EEF1AKMT1: variants seen among roughly 807,000 people sequenced by gnomAD.
The protein encoded by EEF1AKMT1 is N-6 adenine-specific DNA methyltransferase 2 (putative).
Under a neutral mutation model 21.0 loss-of-function variants are expected in EEF1AKMT1, and 18 were observed. The ratio of observed to expected loss-of-function variants is 0.86; its 90% CI spans 0.59 to 1.27. EEF1AKMT1 has a LOEUF of 1.27. Ranked by LOEUF, EEF1AKMT1 falls within the 50% of genes most tolerant of loss-of-function variation. The pLI, the probability that EEF1AKMT1 is intolerant of heterozygous loss-of-function variation, is 0.00. For synonymous variants in EEF1AKMT1, 109 were observed against 94.8 expected, an observed-to-expected ratio of 1.15 and a Z score of -0.87; for missense variants, 246 against 258.6, an observed-to-expected ratio of 0.95 and a Z score of 0.33.
chr13:20,758,741 T>C (rs184482966), intron 1 of EEF1AKMT1, among the ~76,000 whole-genome samples: 247 of 152,164 alleles, frequency 1.6e-3, no homozygotes, highest in Non-Finnish European at 2.6e-3. Flanking sequence ...AGAACAAAGC[T>C]AGAAGCATCC....
At chr13:20,740,734 C>T (rs958067721) in intron 2 of EEF1AKMT1, among the ~76,000 whole-genome samples, 14 of 152,226 alleles carry the variant, frequency 9.2e-5, no homozygotes, top group African/African-American at 2.6e-4. Context: ...ACCTGGGAGG[C>T]GGAGGTTGCA....
At chr13:20,767,766 TTATACA>T (rs1168020691) in intron 1 of EEF1AKMT1, among the ~76,000 whole-genome samples, 7 of 152,318 alleles carry the variant, frequency 4.6e-5, no homozygotes, top group Middle Eastern at 3.4e-3. Context: ...GGGACTCCAA[TTATACA>T]TATATTTAGT....
chr13:20,731,763 T>C, intron 4 of EEF1AKMT1, 78 bp downstream of exon 4: 2 of 1,447,378 alleles, frequency 1.4e-6, no homozygotes, highest in Non-Finnish European at 1.9e-6. Context: ...AGTGGTGGAC[T>C]CAGGATTTTT....
At chr13:20,768,803 C>T (rs1423259357) in intron 1 of EEF1AKMT1, 2 of 152,394 alleles carry the variant, frequency 1.3e-5, no homozygotes, top group African/African-American at 2.4e-5. Context: ...AGCCCCCTGA[C>T]AAGCAGCTAT....
In EEF1AKMT1 at chr13:20,736,033, G is replaced by GA. The variant is rs552972087; in HGVS notation, c.227+1689dup. On this transcript the variant is annotated intron_variant, in intron 3 of 4. Transcript: ENST00000382758. ...AATAGAAGTTCCAAAAATAGGAACA[G>GA]AAAAAAAAAGTGGGGAAAGAAATAA... Among the ~76,000 whole-genome samples, 107 of 151,206 alleles carry GA rather than the reference G, an allele frequency of 7.1e-4. 1 individual carries two copies. Among genetic ancestry groups the GA allele is most frequent in the African/African-American group, 2.3e-3 (96 of 41,308 alleles).
intron 1 of EEF1AKMT1, among the ~76,000 whole-genome samples, chr13:20,771,124 G>C (rs992269160): frequency 3.3e-5 from 5 of 152,076 alleles, no homozygotes; most frequent in African/African-American, 1.2e-4. Flanking sequence ...TACCCACCTT[G>C]TTCTCCCAAA....
At chr13:20,759,424 C>A (rs61955739) in intron 1 of EEF1AKMT1, among the ~76,000 whole-genome samples, 260 of 151,744 alleles carry the variant, frequency 1.7e-3, no homozygotes, top group Non-Finnish European at 2.9e-3. Flanking sequence ...CTAAAAAATA[C>A]AAACAATTCG....
chr13:20,741,460 T>C (rs1280089366), intron 2 of EEF1AKMT1, among the ~76,000 whole-genome samples: 1 of 146,288 alleles, frequency 6.8e-6, no homozygotes, highest in Admixed American at 6.8e-5. Context: ...TAATTACTTT[T>C]TTTTTTTTTT....
chr13:20,772,958 T>C (rs749953980), intron 1 of EEF1AKMT1, among the ~76,000 whole-genome samples: 3 of 152,184 alleles, frequency 2.0e-5, no homozygotes, highest in Non-Finnish European at 4.4e-5. Context: ...CAGACTCCAG[T>C]AAACCGCAGG....
intron 4 of EEF1AKMT1, among the ~76,000 whole-genome samples, chr13:20,729,799 A>C (rs545930975): frequency 6.6e-6 from 1 of 152,158 alleles, no homozygotes; most frequent in Admixed American, 6.5e-5. Flanking sequence ...TTCATCTTCA[A>C]AGTATCTCTT....
intron 1 of EEF1AKMT1, among the ~76,000 whole-genome samples, chr13:20,758,834 T>C (rs1377358821): frequency 1.3e-5 from 2 of 152,056 alleles, no homozygotes; most frequent in African/African-American, 4.8e-5. Flanking sequence ...ACATAATCAA[T>C]GGAATACAAT....
chr13:20,768,380 A>G (rs2059047259), intron 1 of EEF1AKMT1, among the ~76,000 whole-genome samples: 1 of 152,202 alleles, frequency 6.6e-6, no homozygotes, highest in African/African-American at 2.4e-5. Flanking sequence ...GAAGTACTCT[A>G]TCCAATGCCC....
intron 1 of EEF1AKMT1, among the ~76,000 whole-genome samples, chr13:20,766,766 G>A (rs7996954): frequency 0.023 from 3,556 of 151,914 alleles, 105 homozygotes; most frequent in Middle Eastern, 0.069. Context: ...AGGTTGCAGC[G>A]AGCCAAGATC....
At chr13:20,751,469 G>T (rs1283432374) in intron 2 of EEF1AKMT1, among the ~76,000 whole-genome samples, 1 of 152,132 alleles carries the variant, frequency 6.6e-6, no homozygotes, top group Admixed American at 6.5e-5. Context: ...GTTGGCTATA[G>T]ATATGTGGAT....
chr13:20,740,220 C>T (rs1038357865), intron 2 of EEF1AKMT1, among the ~76,000 whole-genome samples: 11 of 152,230 alleles, frequency 7.2e-5, no homozygotes, highest in Non-Finnish European at 1.2e-4. Flanking sequence ...CCGGCTGCTC[C>T]GAGTGCGGGG....
chr13:20,747,566 A>G (rs2058913544), intron 2 of EEF1AKMT1: 1 of 145,462 alleles, frequency 6.9e-6, no homozygotes. Flanking sequence ...CCCGGGTTCA[A>G]GAGATTCTTC....
At chr13:20,757,640 T>A (rs3924006) in intron 1 of EEF1AKMT1, 23 bp from the exon 2 acceptor site, 347,166 of 1,584,574 alleles carry the variant, frequency 0.22, 52,177 homozygotes, top group East Asian at 0.73. Flanking sequence ...AAATAAATGT[T>A]CTGTGCAGAT....
intron 2 of EEF1AKMT1, chr13:20,747,115 C>T (rs9578313): frequency 0.094 from 14,721 of 157,266 alleles, 851 homozygotes; most frequent in Non-Finnish European, 0.13. Flanking sequence ...CACAGGTTAT[C>T]ACCCTCATCA....
intron 2 of EEF1AKMT1, among the ~76,000 whole-genome samples, chr13:20,752,841 T>C (rs756740409): frequency 3.3e-5 from 5 of 152,020 alleles, no homozygotes; most frequent in Non-Finnish European, 5.9e-5. Context: ...TTTTTTTTTC[T>C]TGGTTAGTCT....
Sources: allele counts gnomAD v4.1 joint callset (sites outside exome capture counted in the v4.1 genomes callset), GRCh38; gene constraint gnomAD v4.1.1; transcripts MANE v1.5; gene names NCBI Gene and HGNC (gene_info 2026-07-23, HGNC 2026-07-21).